Variants in ASB17 observed in about 807,000 individuals in gnomAD.
ASB17 encodes ankyrin repeat and SOCS box protein 17.
A neutral mutation model predicts 25.7 loss-of-function variants in ASB17; 26 were observed. The ratio of observed to expected loss-of-function variants is 1.01; its 90% CI spans 0.74 to 1.40. ASB17 has a LOEUF of 1.40. Among genes scored for constraint, ASB17 ranks in the 40% most tolerant of loss-of-function variants. The pLI, the probability that ASB17 is intolerant of heterozygous loss-of-function variation, is 0.00. For missense variants in ASB17, 326 were observed against 338.5 expected, an observed-to-expected ratio of 0.96 and a Z score of 0.29; for synonymous variants, 128 against 121.4, an observed-to-expected ratio of 1.05 and a Z score of -0.36.
intron 1 of ASB17, among the ~76,000 whole-genome samples, chr1:75,928,112 A>G (rs543133864): frequency 7.2e-5 from 11 of 152,160 alleles, no homozygotes; most frequent in South Asian, 2.1e-4. Context: ...CACCTATTCT[A>G]TTGAGCCTTC....
intron 1 of ASB17, among the ~76,000 whole-genome samples, chr1:75,925,078 G>A (rs185606880): frequency 5.9e-5 from 9 of 152,130 alleles, no homozygotes; most frequent in African/African-American, 2.2e-4. Context: ...GTTCACTATT[G>A]CATATTTAAG....
chr1:75,927,656 T>C (rs1428164730), intron 1 of ASB17, among the ~76,000 whole-genome samples: 2 of 151,872 alleles, frequency 1.3e-5, no homozygotes, highest in Non-Finnish European at 2.9e-5. Context: ...ACCACCCCCC[T>C]TTAAAAAAAT....
At chr1:75,921,163 G>A (rs965395652) in intron 2 of ASB17, among the ~76,000 whole-genome samples, 1 of 151,936 alleles carries the variant, frequency 6.6e-6, no homozygotes, top group African/African-American at 2.4e-5. Flanking sequence ...CAATTATGCA[G>A]AATTAATACT....
In ASB17 at chr1:75,922,364, G is replaced by A; in HGVS notation, c.402-5C>T. 1 of 1,546,490 alleles carries A rather than the reference G, an allele frequency of 6.5e-7. No individual in the cohort carries two copies. The highest frequency in any genetic ancestry group is 8.7e-7 in the Non-Finnish European group (1 of 1,147,846). ...CAGTATACTGGTGTGAAAGTTCTGT[G>A]AATTAAACAAAACAAAAACTCATTG... On this transcript the variant is annotated splice_region_variant and splice_polypyrimidine_tract_variant and intron_variant, in intron 1 of 2. Transcript: ENST00000284142.
chr1:75,921,772 T>C (rs1653033822), intron 2 of ASB17, among the ~76,000 whole-genome samples: 1 of 152,134 alleles, frequency 6.6e-6, no homozygotes, highest in South Asian at 2.1e-4. Context: ...GTTAAATTTT[T>C]TGATTTTGTT....
intron 1 of ASB17, among the ~76,000 whole-genome samples, chr1:75,924,138 A>G (rs951641504): frequency 2.6e-5 from 4 of 152,098 alleles, no homozygotes; most frequent in Non-Finnish European, 5.9e-5. Flanking sequence ...TTTCCAATAA[A>G]AAGATTCAAA....
Position 75,932,314 on chromosome 1 carries a change from G to T in ASB17, c.-23C>A. 6.4e-7 allele frequency: 1 copy of T among 1,561,202 alleles called. No homozygotes were observed. The highest frequency in any genetic ancestry group is 8.7e-7 in the Non-Finnish European group (1 of 1,153,362). ...CATTGTTACTTATAGCAGCACTGTAGAAATAAAATCAGAGGTAAGCATACT... is the reference window on the plus strand; with the variant it reads ...CATTGTTACTTATAGCAGCACTGTATAAATAAAATCAGAGGTAAGCATACT... On this transcript the variant is annotated 5_prime_UTR_variant, in exon 1 of 3. Transcript: ENST00000284142.
intron 1 of ASB17, among the ~76,000 whole-genome samples, chr1:75,924,523 T>C (rs994493619): frequency 1.6e-4 from 25 of 152,074 alleles, no homozygotes; most frequent in African/African-American, 6.0e-4. Context: ...CATACATATA[T>C]GTATATATAT....
At chr1:75,920,758 GCTTTT>G (rs141302515) in intron 2 of ASB17, among the ~76,000 whole-genome samples, 2,346 of 151,246 alleles carry the variant, frequency 0.016, 53 homozygotes, top group East Asian at 0.069. Context: ...CTGTCCTAGT[GCTTTT>G]CTTTTCTTTT....
At chr1:75,924,513 CA>C (rs1653117425) in intron 1 of ASB17, among the ~76,000 whole-genome samples, 1 of 151,868 alleles carries the variant, frequency 6.6e-6, no homozygotes, top group Admixed American at 6.6e-5. Context: ...TGGCACTATA[CA>C]TACATATATG....
intron 1 of ASB17, 110 bp downstream of exon 1, chr1:75,931,781 C>A: frequency 1.0e-6 from 1 of 953,942 alleles, no homozygotes; most frequent in Non-Finnish European, 1.5e-6. Context: ...GGTGAGAATT[C>A]CTTACTTCAC....
rs115374703 is a variant in ASB17 at position 75,931,226 on chromosome 1, G to A, written c.401+665C>T. The stretch of plus-strand genomic sequence containing the variant: ...TTTTATTCAGATGAATATCTAAAAC[G>A]AAAGAATAAATTAAAGTTAGTGCAA... On this transcript the variant is annotated intron_variant, in intron 1 of 2. Coordinates refer to ENST00000284142, the MANE Select transcript of ASB17 (RefSeq NM_080868.3). 5.7e-3 allele frequency among the ~76,000 whole-genome samples: 866 copies of A among 152,202 alleles called. 3 individuals are homozygous for A. Among genetic ancestry groups the A allele is most frequent in the Non-Finnish European group, 8.8e-3 (595 of 67,982 alleles).
At chr1:75,930,722 C>T (rs1174537993) in intron 1 of ASB17, among the ~76,000 whole-genome samples, 1 of 152,084 alleles carries the variant, frequency 6.6e-6, no homozygotes, top group Admixed American at 6.6e-5. Context: ...TTCTGTCCAG[C>T]TTTCTCCTCT....
At chr1:75,928,290 T>C (rs1305354717) in intron 1 of ASB17, among the ~76,000 whole-genome samples, 1 of 152,208 alleles carries the variant, frequency 6.6e-6, no homozygotes, top group Non-Finnish European at 1.5e-5. Context: ...GTCTACTTTG[T>C]TTTTGTATCC....
At chr1:75,929,279 C>T (rs1653259783) in intron 1 of ASB17, among the ~76,000 whole-genome samples, 1 of 151,584 alleles carries the variant, frequency 6.6e-6, no homozygotes, top group Admixed American at 6.6e-5. Context: ...GGTTGGAGTG[C>T]AGTGGCGCGA....
intron 1 of ASB17, among the ~76,000 whole-genome samples, chr1:75,930,271 TTTAG>T (rs1165245099): frequency 6.8e-6 from 1 of 147,530 alleles, no homozygotes; most frequent in East Asian, 1.9e-4. Flanking sequence ...TATATTTATA[TTTAG>T]TTATATATAT....
chr1:75,927,762 G>A (rs1399492052), intron 1 of ASB17, among the ~76,000 whole-genome samples: 1 of 152,094 alleles, frequency 6.6e-6, no homozygotes, highest in African/African-American at 2.4e-5. Context: ...GCTGCAGCCT[G>A]TTTTCCCAAA....
Position 75,922,164 on chromosome 1 carries a change from T to C in ASB17, c.597A>G (p.Glu199=), listed in dbSNP as rs760283849. 3.0e-5 allele frequency: 49 copies of C among 1,613,784 alleles called. No individual in the cohort carries two copies. The East Asian group carries it at 1.1e-3, about 36-fold the overall frequency. Residue 199 remains glutamate (E), a synonymous_variant, in exon 2 of 3, where the codon GAA becomes GAG. Transcript: ENST00000284142. ...PSRVRVMVDR[E]LADIHEDAKT... is the part of the protein sequence containing the mutation. The stretch of plus-strand genomic sequence containing the variant: ...TGGCATCTTCATGGATGTCAGCCAA[T>C]TCACGATCAACCATTACTCTTACTC...
rs749460467 is a variant in ASB17 at position 75,922,230 on chromosome 1, GT to G, written c.530del (p.Asn177ThrfsTer7). On this transcript the variant is annotated frameshift_variant, in exon 2 of 3. Coordinates refer to ENST00000284142, the MANE Select transcript of ASB17 (RefSeq NM_080868.3). LOFTEE classifies it high-confidence loss of function. Reference sequence around the variant, plus strand: ...CTATTGTTAAGACAATGTTGATAGGGTTTTTTTCTCTTTCTAAGATTCCATA... The same window carrying G: ...CTATTGTTAAGACAATGTTGATAGGGTTTTTTCTCTTTCTAAGATTCCATA... ...LQYGILEREK[N>X]PINIVLTIVL... is the part of the protein sequence containing the mutation. The G allele has an allele frequency of 2.5e-6, 4 of 1,613,432 alleles. No homozygotes were observed. The highest frequency in any genetic ancestry group is 1.1e-5 in the South Asian group (1 of 91,064).
Sources: allele counts gnomAD v4.1 joint callset (sites outside exome capture counted in the v4.1 genomes callset), GRCh38; gene constraint gnomAD v4.1.1; transcripts MANE v1.5; gene names NCBI Gene and HGNC (gene_info 2026-07-23, HGNC 2026-07-21).